Variants in MROH1 observed in about 807,000 individuals in gnomAD.
MROH1 encodes the protein maestro heat like repeat family member 1.
In MROH1, 117 loss-of-function variants were observed where a neutral mutation model predicts 116.5. The ratio of observed to expected loss-of-function variants is 1.00; its 90% confidence interval spans 0.86 to 1.17. MROH1 has a LOEUF of 1.17. Among genes scored for constraint, MROH1 ranks in the 50% most tolerant of loss-of-function variants. The pLI, the probability that MROH1 is intolerant of heterozygous loss-of-function variation, is 0.00. For missense variants in MROH1, 1,873 were observed against 1,338.5 expected (o/e 1.40, Z -6.23); for synonymous variants, 921 against 583.9 (o/e 1.58, Z -8.32).
At chr8:144,238,107 TTCTA>T (rs1162947741) in intron 14 of MROH1, among the ~76,000 whole-genome samples, 2 of 152,104 alleles carry the variant, frequency 1.3e-5, no homozygotes, top group Non-Finnish European at 2.9e-5. Flanking sequence ...TGGTATGAAG[TTCTA>T]TCTATATTTT....
At chr8:144,232,983 C>A (rs1054039838) in intron 14 of MROH1, among the ~76,000 whole-genome samples, 1 of 152,026 alleles carries the variant, frequency 6.6e-6, no homozygotes, top group South Asian at 2.1e-4. Flanking sequence ...GGCACCACCA[C>A]ACCTGGCTAA....
intron 10 of MROH1, among the ~76,000 whole-genome samples, chr8:144,198,441 C>G (rs1322974412): frequency 6.6e-6 from 1 of 152,152 alleles, no homozygotes; most frequent in Non-Finnish European, 1.5e-5. Context: ...TTGTTTGAGA[C>G]AGGGTCTTGC....
At chr8:144,192,215 C>A in intron 9 of MROH1, 94 bp from the exon 10 acceptor site, 2 of 1,104,022 alleles carry the variant, frequency 1.8e-6, no homozygotes, top group Non-Finnish European at 2.6e-6. Flanking sequence ...TGGCCCATGT[C>A]TTCCTGTGGC....
chr8:144,149,152 G>A (rs1249783163), intron 1 of MROH1, among the ~76,000 whole-genome samples: 1 of 152,146 alleles, frequency 6.6e-6, no homozygotes, highest in Non-Finnish European at 1.5e-5. Context: ...AGATGCGTGT[G>A]GGAATCGTTG....
At chr8:144,186,627 C>T (rs1048334586) in intron 7 of MROH1, among the ~76,000 whole-genome samples, 1 of 152,210 alleles carries the variant, frequency 6.6e-6, no homozygotes, top group Non-Finnish European at 1.5e-5. Flanking sequence ...CCGCTGTGAT[C>T]GCTGACCCTA....
At chr8:144,166,470 G>A (rs1282942473) in intron 3 of MROH1, among the ~76,000 whole-genome samples, 1 of 152,228 alleles carries the variant, frequency 6.6e-6, no homozygotes, top group Admixed American at 6.5e-5. Context: ...GTCCCCAGCT[G>A]AGGCTGTGGC....
intron 32 of MROH1, among the ~76,000 whole-genome samples, chr8:144,249,924 G>T (rs1842570410): frequency 6.6e-6 from 1 of 152,224 alleles, no homozygotes; most frequent in African/African-American, 2.4e-5. Flanking sequence ...TTGGATGCCT[G>T]CCCAGCTCCG....
intron 12 of MROH1, 99 bp from the exon 13 acceptor site, chr8:144,220,501 C>A: frequency 9.9e-7 from 1 of 1,007,744 alleles, no homozygotes; most frequent in Admixed American, 2.3e-5. Flanking sequence ...CTTCCTCCTA[C>A]ACGGGGACCA....
In MROH1 at chr8:144,223,215, G is replaced by GC. The variant is rs776015405; in HGVS notation, c.1329dup (p.Glu444ArgfsTer5). The GC allele has an allele frequency of 5.6e-6, 9 of 1,605,684 alleles. No individual in the cohort carries two copies. The highest frequency in any genetic ancestry group is 1.3e-5 in the African/African-American group (1 of 74,754). On this transcript the variant is annotated frameshift_variant, in exon 14 of 44. Coordinates refer to ENST00000326134, the MANE Select transcript of MROH1 (RefSeq NM_032450.3). LOFTEE classifies it high-confidence loss of function. ...AGTACATCGTGCAGCAGTGCGCGCT[G>GC]CCCCCCGAGCAGGAGGTAAGGGGCT... is the stretch of plus-strand genomic sequence containing the variant.
At chr8:144,204,640 C>T (rs1481176805) in intron 12 of MROH1, among the ~76,000 whole-genome samples, 1 of 152,166 alleles carries the variant, frequency 6.6e-6, no homozygotes, top group Non-Finnish European at 1.5e-5. Flanking sequence ...GGATGTTGTA[C>T]AAAGAGAATT....
Position 144,191,705 on chromosome 8 carries a change from C to A in MROH1, c.715-10C>A. 5 of 1,611,956 alleles carry A rather than the reference C, an allele frequency of 3.1e-6. No homozygotes were observed. Among genetic ancestry groups the A allele is most frequent in the South Asian group, 1.1e-5 (1 of 90,796 alleles). ...GCAGCGTAAGCTTCCCGCCCACTGT[C>A]CCCTCTCAGCTCCGTCTTGCCGTGG... On this transcript the variant is annotated splice_polypyrimidine_tract_variant and intron_variant, in intron 8 of 43. Transcript: ENST00000326134.
intron 12 of MROH1, among the ~76,000 whole-genome samples, chr8:144,201,388 G>A (rs1165915021): frequency 6.6e-6 from 1 of 152,160 alleles, no homozygotes; most frequent in Non-Finnish European, 1.5e-5. Context: ...TTAGTGATAA[G>A]CCTGAAAACA....
At chr8:144,260,451 C>T in intron 39 of MROH1, 77 bp downstream of exon 39, 1 of 698,654 alleles carries the variant, frequency 1.4e-6, no homozygotes, top group South Asian at 1.5e-5. Flanking sequence ...AGCCCCAGCC[C>T]CACCCTCCTC....
At chr8:144,178,190 G>GA (rs397969933) in intron 4 of MROH1, among the ~76,000 whole-genome samples, 1 of 7,246 alleles carries the variant, frequency 1.4e-4, no homozygotes, top group African/African-American at 1.5e-4. Context: ...CTGGAGTGCA[G>GA]TGGCGCGATC....
intron 12 of MROH1, among the ~76,000 whole-genome samples, chr8:144,202,870 A>G (rs1276336724): frequency 2.1e-4 from 4 of 19,348 alleles, no homozygotes; most frequent in African/African-American, 7.8e-4. Flanking sequence ...GGGAGCGCCC[A>G]ATGTCTGTGG....
chr8:144,241,818 C>T (rs1486659639), intron 22 of MROH1, among the ~76,000 whole-genome samples: 8 of 152,238 alleles, frequency 5.3e-5, no homozygotes, highest in African/African-American at 1.9e-4. Flanking sequence ...GCAGATTCTG[C>T]GTTCTTGCCA....
intron 14 of MROH1, among the ~76,000 whole-genome samples, chr8:144,232,329 A>G (rs534483236): frequency 6.6e-6 from 1 of 152,010 alleles, no homozygotes; most frequent in South Asian, 2.1e-4. Context: ...ATTCCTTTCT[A>G]TTTCTAGTTT....
chr8:144,192,159 C>T (rs1020611972), intron 9 of MROH1, 150 bp from the exon 10 acceptor site: 31 of 714,906 alleles, frequency 4.3e-5, no homozygotes, highest in African/African-American at 2.7e-4. Flanking sequence ...TAGAGGTAGA[C>T]GAAAGGCCTC....
intron 12 of MROH1, among the ~76,000 whole-genome samples, chr8:144,204,440 T>C (rs1456326226): frequency 1.3e-5 from 2 of 152,204 alleles, no homozygotes; most frequent in Non-Finnish European, 2.9e-5. Flanking sequence ...TGTTTTTATT[T>C]GAAGTATAAT....
Sources: gnomAD v4.1 joint callset for allele counts (sites outside exome capture counted in the v4.1 genomes callset) on GRCh38, gnomAD v4.1.1 for gene constraint, MANE v1.5 for transcripts, NCBI Gene and HGNC (gene_info 2026-07-23, HGNC 2026-07-21) for gene names.